Variants in COL21A1 observed in about 807,000 individuals in gnomAD.
COL21A1 encodes the protein collagen type XXI alpha 1 chain.
COL21A1 carries 149 observed loss-of-function variants against 137.9 expected under a neutral mutation model. That is an observed-to-expected ratio of 1.08 (90% CI 0.95 to 1.24). COL21A1 has a LOEUF of 1.24. Ranked by LOEUF, COL21A1 falls within the 50% of genes most tolerant of loss-of-function variation. COL21A1 has a pLI of 0.00. For synonymous variants in COL21A1, 456 were observed against 391.5 expected, an observed-to-expected ratio of 1.16 and a Z score of -1.95; for missense variants, 1,167 against 1,158.4, an observed-to-expected ratio of 1.01 and a Z score of -0.11.
chr6:56,134,251 T>C (rs182001623), intron 12 of COL21A1, among the ~76,000 whole-genome samples: 1 of 152,264 alleles, frequency 6.6e-6, no homozygotes, highest in Non-Finnish European at 1.5e-5. Context: ...ATGTAAGACA[T>C]GGAGTAAAAG....
intron 1 of COL21A1, among the ~76,000 whole-genome samples, chr6:56,206,150 A>C (rs1184244879): frequency 6.6e-6 from 1 of 152,206 alleles, no homozygotes; most frequent in Non-Finnish European, 1.5e-5. Flanking sequence ...CCTTCAATGT[A>C]AATGGGCTAA....
intron 1 of COL21A1, among the ~76,000 whole-genome samples, chr6:56,388,508 A>G (rs2094022906): frequency 6.6e-6 from 1 of 152,214 alleles, no homozygotes; most frequent in Non-Finnish European, 1.5e-5. Context: ...ATGCTGTCCA[A>G]TGTTGTGCCT....
At chr6:56,286,095 C>G (rs1763906019) in intron 1 of COL21A1, among the ~76,000 whole-genome samples, 1 of 152,078 alleles carries the variant, frequency 6.6e-6, no homozygotes, top group Non-Finnish European at 1.5e-5. Flanking sequence ...AAAAACTGGC[C>G]AGTCAGAAAC....
At chr6:56,164,567 C>T (rs970233536) in intron 8 of COL21A1, 61 bp from the exon 9 acceptor site, 6 of 1,191,790 alleles carry the variant, frequency 5.0e-6, no homozygotes, top group Middle Eastern at 1.9e-4. Flanking sequence ...TACATGCACA[C>T]GTATGTTTAT....
At position 56,064,595 on chromosome 6, in the gene COL21A1, C is replaced by T. The variant is rs763809803; in HGVS notation, c.2155G>A (p.Gly719Arg). 8.0e-5 allele frequency: 128 copies of T among 1,595,542 alleles called. No individual in the cohort carries two copies. The highest frequency in any genetic ancestry group is 1.0e-4 in the Non-Finnish European group (118 of 1,170,014). ...QGQKGENGRQ[G>R]IPGQQGIQGH... ...AAAAATACCTGTTGCCCTGGAATTCCCTGTCTTCCATTTTCTCCCTTTTGA... is the reference window on the plus strand; with the variant it reads ...AAAAATACCTGTTGCCCTGGAATTCTCTGTCTTCCATTTTCTCCCTTTTGA... Residue 719 changes from glycine (G) to arginine (R), a missense_variant, in exon 24 of 30, where the codon GGA becomes AGA. Physicochemically the swap from Gly to Arg is moderately radical, Grantham distance 125. Coordinates refer to ENST00000244728, the MANE Select transcript of COL21A1 (RefSeq NM_030820.4).
At chr6:56,158,697 G>T (rs1403156097) in intron 9 of COL21A1, among the ~76,000 whole-genome samples, 2 of 152,004 alleles carry the variant, frequency 1.3e-5, no homozygotes. Flanking sequence ...AGGGAAATTT[G>T]TTCCTGAAAC....
intron 12 of COL21A1, among the ~76,000 whole-genome samples, chr6:56,129,403 G>C (rs1181703197): frequency 6.6e-6 from 1 of 152,070 alleles, no homozygotes; most frequent in Non-Finnish European, 1.5e-5. Flanking sequence ...AGAGAGACTA[G>C]AGCAACAAGA....
At chr6:56,240,854 G>T (rs1173651990) in intron 1 of COL21A1, among the ~76,000 whole-genome samples, 1 of 152,148 alleles carries the variant, frequency 6.6e-6, no homozygotes, top group East Asian at 1.9e-4. Context: ...TATCTAAATA[G>T]TAGTGTAGAA....
At chr6:56,211,239 A>G (rs919648265) in intron 1 of COL21A1, among the ~76,000 whole-genome samples, 26 of 80,554 alleles carry the variant, frequency 3.2e-4, no homozygotes, top group Non-Finnish European at 6.0e-4. Context: ...ATATATATGT[A>G]TATGTATATA....
At chr6:56,270,773 T>C (rs1763506435) in intron 1 of COL21A1, among the ~76,000 whole-genome samples, 1 of 152,124 alleles carries the variant, frequency 6.6e-6, no homozygotes, top group Non-Finnish European at 1.5e-5. Flanking sequence ...AATCTGATGG[T>C]TTAAGACTGT....
At chr6:56,159,738 C>G (rs995854511) in intron 9 of COL21A1, among the ~76,000 whole-genome samples, 1 of 150,498 alleles carries the variant, frequency 6.6e-6, no homozygotes, top group Non-Finnish European at 1.5e-5. Flanking sequence ...TTTACCCACT[C>G]ATTTGTAGAA....
At chr6:56,276,739 C>A (rs1288686118) in intron 1 of COL21A1, 4 of 1,316,004 alleles carry the variant, frequency 3.0e-6, no homozygotes, top group Non-Finnish European at 2.2e-6. Flanking sequence ...ACAGAACTGC[C>A]ATCAAGTATC....
At chr6:56,071,673 A>G (rs1404191602) in intron 20 of COL21A1, among the ~76,000 whole-genome samples, 1 of 151,668 alleles carries the variant, frequency 6.6e-6, no homozygotes, top group Non-Finnish European at 1.5e-5. Context: ...CATTTAGCAC[A>G]TAACAGTGTT....
chr6:56,056,803 T>A lies in COL21A1; in HGVS notation c.*854A>T, dbSNP rs754007957. The A allele has an allele frequency of 6.6e-6, 1 of 152,234 alleles. No homozygotes were observed. Among genetic ancestry groups the A allele is most frequent in the African/African-American group, 2.4e-5 (1 of 41,470 alleles). 9.4% of individuals were successfully genotyped at this position (152,234 alleles called of 1,614,324 possible). On this transcript the variant is annotated 3_prime_UTR_variant, in exon 30 of 30. Transcript: ENST00000244728. ...TTTTCTTTCAACTAGAGCATTAGCTTTATTTCCATTAGCTTTGCTACAATG... is the reference window on the plus strand; with the variant it reads ...TTTTCTTTCAACTAGAGCATTAGCTATATTTCCATTAGCTTTGCTACAATG...
At chr6:56,278,832 T>C (rs1763729565) in intron 1 of COL21A1, among the ~76,000 whole-genome samples, 1 of 152,232 alleles carries the variant, frequency 6.6e-6, no homozygotes, top group Non-Finnish European at 1.5e-5. Context: ...TTCATCTCTC[T>C]AAACACCTTC....
In COL21A1 at chr6:56,164,428, G is replaced by T; in HGVS notation, c.1366C>A (p.Pro456Thr). ...GCAAGTTAGGTGTTACCCACTTTGG[G>T]GCCTTGAAGTCCTGGTTTTCCCGGA... The part of the protein sequence containing the change: ...CPPGKPGLQG[P>T]KGDPGLPGNP... Residue 456 changes from proline to threonine, a missense_variant, in exon 9 of 30, where the codon CCC (proline) becomes ACC (threonine). Transcript: ENST00000244728. 1.9e-6 allele frequency: 3 copies of T among 1,578,662 alleles called. No individual in the cohort carries two copies. The highest frequency in any genetic ancestry group is 2.7e-5 in the African/African-American group (2 of 74,314).
chr6:56,111,945 A>G (rs965990247), intron 16 of COL21A1, among the ~76,000 whole-genome samples: 1 of 152,042 alleles, frequency 6.6e-6, no homozygotes, highest in Middle Eastern at 3.4e-3. Context: ...TAAAACTGAT[A>G]CTAAAAATAA....
chr6:56,131,293 A>T (rs1456173671), intron 12 of COL21A1, among the ~76,000 whole-genome samples: 4 of 151,728 alleles, frequency 2.6e-5, no homozygotes, highest in Admixed American at 2.6e-4. Flanking sequence ...AGAAAACAGA[A>T]TGTAAATATA....
At chr6:56,079,682 T>C (rs1026333085) in intron 17 of COL21A1, among the ~76,000 whole-genome samples, 2 of 151,594 alleles carry the variant, frequency 1.3e-5, no homozygotes, top group Non-Finnish European at 3.0e-5. Context: ...ATATCTGCTA[T>C]TAAGATTATT....
Sources: gnomAD v4.1 joint callset for allele counts (sites outside exome capture counted in the v4.1 genomes callset) on GRCh38, gnomAD v4.1.1 for gene constraint, MANE v1.5 for transcripts, NCBI Gene and HGNC (gene_info 2026-07-23, HGNC 2026-07-21) for gene names.